PRKG1: variants seen among roughly 807,000 people sequenced by gnomAD.
The protein encoded by PRKG1 is protein kinase cGMP-dependent 1.
In PRKG1, 35 loss-of-function variants were observed where a neutral mutation model predicts 88.1. That is an observed-to-expected ratio of 0.40 (90% CI 0.30 to 0.53). PRKG1 has a LOEUF of 0.53. PRKG1 is among the 20% of genes least tolerant of loss of function. The probability of loss-of-function intolerance (pLI) is 0.59; values close to 1 mark genes in which losing one functional copy is unlikely to be tolerated. For synonymous variants in PRKG1, 303 were observed against 292.5 expected (o/e 1.04, Z -0.37); for missense variants, 540 against 839.8 (o/e 0.64, Z 4.41).
intron 5 of PRKG1, among the ~76,000 whole-genome samples, chr10:51,934,454 G>T (rs1443480248): frequency 1.3e-5 from 2 of 152,070 alleles, no homozygotes; most frequent in Non-Finnish European, 2.9e-5. Flanking sequence ...CAATCATTTT[G>T]CATTCGTTAA....
At chr10:51,927,188 C>G (rs73335491) in intron 5 of PRKG1, among the ~76,000 whole-genome samples, 11 of 152,116 alleles carry the variant, frequency 7.2e-5, no homozygotes, top group Non-Finnish European at 2.9e-5. Flanking sequence ...GTGGGAGGGA[C>G]CTGGTGGGAG....
chr10:51,608,174 C>T (rs2132238615), intron 3 of PRKG1, among the ~76,000 whole-genome samples: 1 of 151,426 alleles, frequency 6.6e-6, no homozygotes, highest in Non-Finnish European at 1.5e-5. Context: ...CAACAACAGA[C>T]TGCATATACT....
intron 8 of PRKG1, among the ~76,000 whole-genome samples, chr10:52,145,036 G>T (rs901528759): frequency 1.3e-5 from 2 of 152,172 alleles, no homozygotes; most frequent in African/African-American, 4.8e-5. Context: ...TACGGATATT[G>T]CAAGCTCAGG....
At chr10:51,698,036 C>T in intron 3 of PRKG1, 1 of 1,614,080 alleles carries the variant, frequency 6.2e-7, no homozygotes, top group African/African-American at 1.3e-5. Flanking sequence ...CATACCAGCT[C>T]CAGGATTCCC....
intron 2 of PRKG1, among the ~76,000 whole-genome samples, chr10:51,392,064 T>C (rs1349705764): frequency 1.3e-5 from 2 of 152,176 alleles, no homozygotes; most frequent in Non-Finnish European, 2.9e-5. Flanking sequence ...ATGTTCTACC[T>C]CTGCTCTTCT....
At chr10:51,046,187 T>C (rs146255158) in intron 1 of PRKG1, among the ~76,000 whole-genome samples, 2 of 152,380 alleles carry the variant, frequency 1.3e-5, no homozygotes, top group Admixed American at 1.3e-4. Context: ...ACCTTGATTA[T>C]GCTTGTTCGT....
Position 51,467,178 on chromosome 10 carries a change from G to A in PRKG1, c.479-545G>A, listed in dbSNP as rs191712773. On this transcript the variant is annotated intron_variant, in intron 2 of 17. Transcript: ENST00000373980. ...TCTTTTCCCTCAACCCTTGTAGTTT[G>A]TTTTTTCCTACAGTTAACATTGCAG... Among the ~76,000 whole-genome samples the A allele has an allele frequency of 1.9e-3, 292 of 152,002 alleles. 1 individual carries two copies. The highest frequency in any genetic ancestry group is 6.9e-3 in the African/African-American group (285 of 41,514).
At chr10:51,142,150 C>T (rs1427627497) in intron 1 of PRKG1, among the ~76,000 whole-genome samples, 3 of 151,994 alleles carry the variant, frequency 2.0e-5, no homozygotes, top group Admixed American at 1.3e-4. Context: ...GTGCTCAAGT[C>T]AGATAAGAGA....
intron 9 of PRKG1, among the ~76,000 whole-genome samples, chr10:52,239,526 A>AAG (rs1840798828): frequency 6.9e-6 from 1 of 145,434 alleles, no homozygotes; most frequent in South Asian, 2.1e-4. Flanking sequence ...CAGTGTAAAA[A>AAG]AAAAAAAAAA....
At chr10:51,676,405 A>T (rs1050774235) in intron 3 of PRKG1, among the ~76,000 whole-genome samples, 1 of 151,730 alleles carries the variant, frequency 6.6e-6, no homozygotes, top group Admixed American at 6.6e-5. Flanking sequence ...TGAGCATGTT[A>T]AGACCTCATT....
chr10:51,552,174 A>G (rs1339755123), intron 3 of PRKG1, among the ~76,000 whole-genome samples: 1 of 151,702 alleles, frequency 6.6e-6, no homozygotes, highest in Non-Finnish European at 1.5e-5. Flanking sequence ...TTATATAAAC[A>G]CTAGAAAAAT....
chr10:51,808,285 T>C (rs1422422914), intron 4 of PRKG1, among the ~76,000 whole-genome samples: 1 of 152,186 alleles, frequency 6.6e-6, no homozygotes, highest in Admixed American at 6.5e-5. Flanking sequence ...TTTTTCTTTA[T>C]GACTTTATCA....
intron 9 of PRKG1, among the ~76,000 whole-genome samples, chr10:52,205,801 C>G (rs1399962554): frequency 6.6e-6 from 1 of 152,062 alleles, no homozygotes; most frequent in Non-Finnish European, 1.5e-5. Context: ...TGATGGGATT[C>G]CTTTTGTAGG....
At chr10:51,042,969 C>T (rs1843443963) in intron 1 of PRKG1, among the ~76,000 whole-genome samples, 1 of 152,162 alleles carries the variant, frequency 6.6e-6, no homozygotes, top group African/African-American at 2.4e-5. Flanking sequence ...TCAAACCCTG[C>T]CTATGCCTTA....
At chr10:51,185,489 AAAAG>A (rs1307174954) in intron 2 of PRKG1, among the ~76,000 whole-genome samples, 1 of 152,102 alleles carries the variant, frequency 6.6e-6, no homozygotes, top group Non-Finnish European at 1.5e-5. Flanking sequence ...TTTAAATTAT[AAAAG>A]AAAGGTGTTT....
intron 5 of PRKG1, among the ~76,000 whole-genome samples, chr10:51,918,920 A>G (rs922646412): frequency 2.0e-5 from 3 of 152,128 alleles, no homozygotes; most frequent in African/African-American, 7.2e-5. Flanking sequence ...CACAGTTGGC[A>G]TCTAAGGCAT....
chr10:51,125,736 GT>G (rs909127791), intron 1 of PRKG1, among the ~76,000 whole-genome samples: 3 of 143,700 alleles, frequency 2.1e-5, no homozygotes, highest in Non-Finnish European at 4.5e-5. Context: ...TAAATTATGT[GT>G]TTTTAAATAT....
At chr10:52,178,764 T>C (rs1838934422) in intron 9 of PRKG1, among the ~76,000 whole-genome samples, 1 of 152,172 alleles carries the variant, frequency 6.6e-6, no homozygotes, top group South Asian at 2.1e-4. Flanking sequence ...TGTCTCTGTT[T>C]GGAGTTTATG....
chr10:51,875,654 G>A (rs980121902), intron 4 of PRKG1, among the ~76,000 whole-genome samples: 1 of 152,022 alleles, frequency 6.6e-6, no homozygotes, highest in Non-Finnish European at 1.5e-5. Context: ...GACTTTCCAT[G>A]GACATTTAAA....
Sources: gnomAD v4.1 joint callset for allele counts (sites outside exome capture counted in the v4.1 genomes callset) on GRCh38, gnomAD v4.1.1 for gene constraint, MANE v1.5 for transcripts, NCBI Gene and HGNC (gene_info 2026-07-23, HGNC 2026-07-21) for gene names.